The following CNTN4 variants were observed in gnomAD, a reference collection of about 807,000 sequenced individuals.
The protein encoded by CNTN4 is contactin 4, also known as contactin-4.
In CNTN4, 77 loss-of-function variants were observed where a neutral mutation model predicts 122.5. The ratio of observed to expected loss-of-function variants is 0.63; its 90% CI spans 0.52 to 0.76. The LOEUF (loss-of-function observed/expected upper bound fraction) is 0.76. Among genes scored for constraint, CNTN4 ranks in the 30% least tolerant of loss-of-function variants. CNTN4 has a pLI of 0.00. For missense variants in CNTN4, 1,256 were observed against 1,259.1 expected (o/e 1.00, Z 0.04); for synonymous variants, 512 against 447.0 (o/e 1.15, Z -1.83).
chr3:2,284,096 A>T (rs2041821486), intron 2 of CNTN4, among the ~76,000 whole-genome samples: 1 of 152,086 alleles, frequency 6.6e-6, no homozygotes, highest in South Asian at 2.1e-4. Context: ...CAAATAGAGT[A>T]AGTACCCAAA....
intron 3 of CNTN4, among the ~76,000 whole-genome samples, chr3:2,413,701 A>G (rs1373660886): frequency 6.6e-6 from 1 of 151,768 alleles, no homozygotes; most frequent in Non-Finnish European, 1.5e-5. Context: ...ACACCACAAC[A>G]CACAGCTAAT....
chr3:2,940,040 A>C (rs1333990710), intron 13 of CNTN4, among the ~76,000 whole-genome samples: 1 of 152,226 alleles, frequency 6.6e-6, no homozygotes, highest in Non-Finnish European at 1.5e-5. Flanking sequence ...AGAGTTGGCC[A>C]CGCCAGTTTA....
intron 6 of CNTN4, among the ~76,000 whole-genome samples, chr3:2,790,577 C>A (rs185100205): frequency 3.2e-4 from 48 of 152,236 alleles, no homozygotes; most frequent in African/African-American, 1.1e-3. Flanking sequence ...TGAGAACTTT[C>A]TGTTTAACAT....
At chr3:2,362,569 G>A (rs903394162) in intron 3 of CNTN4, 2 of 579,704 alleles carry the variant, frequency 3.5e-6, no homozygotes, top group Non-Finnish European at 6.6e-6. Context: ...GGCTGAAGAA[G>A]AAGACAGCAG....
At chr3:2,264,208 C>T (rs1222575468) in intron 2 of CNTN4, among the ~76,000 whole-genome samples, 1 of 152,142 alleles carries the variant, frequency 6.6e-6, no homozygotes, top group African/African-American at 2.4e-5. Context: ...TCCATACTGG[C>T]TGTGCTACTT....
chr3:2,463,018 C>A (rs890119217), intron 3 of CNTN4, among the ~76,000 whole-genome samples: 5 of 151,834 alleles, frequency 3.3e-5, no homozygotes. Flanking sequence ...TGAGACTTAC[C>A]ATATTTGAGA....
intron 3 of CNTN4, among the ~76,000 whole-genome samples, chr3:2,506,868 C>T (rs994552351): frequency 1.3e-5 from 2 of 151,922 alleles, no homozygotes; most frequent in African/African-American, 4.8e-5. Flanking sequence ...ACTTGGTTTT[C>T]TGAGGCATAA....
chr3:2,726,088 C>T (rs894780375), intron 4 of CNTN4, among the ~76,000 whole-genome samples: 1 of 152,126 alleles, frequency 6.6e-6, no homozygotes, highest in African/African-American at 2.4e-5. Context: ...CAGTCTGTCC[C>T]TATCCTTTAA....
intron 14 of CNTN4, among the ~76,000 whole-genome samples, chr3:3,015,911 A>ATCT (rs1358580663): frequency 7.2e-5 from 11 of 152,184 alleles, no homozygotes; most frequent in African/African-American, 2.7e-4. Flanking sequence ...ATCAGCAAAG[A>ATCT]TCTTATTATG....
intron 13 of CNTN4, among the ~76,000 whole-genome samples, chr3:2,956,993 T>C (rs1319253000): frequency 2.0e-5 from 3 of 152,226 alleles, no homozygotes; most frequent in African/African-American, 7.2e-5. Flanking sequence ...GGCTGAGTAA[T>C]AGTCCGCTGT....
chr3:2,953,375 C>A (rs539666120), intron 13 of CNTN4, among the ~76,000 whole-genome samples: 3 of 152,038 alleles, frequency 2.0e-5, no homozygotes, highest in South Asian at 4.2e-4. Flanking sequence ...GGCGGTAGAT[C>A]GCTCCTCCCT....
At chr3:2,819,667 G>A in intron 7 of CNTN4, 86 bp downstream of exon 7, 1 of 1,002,742 alleles carries the variant, frequency 1.0e-6, no homozygotes, top group South Asian at 1.3e-5. Context: ...CCAGCTGAGT[G>A]CACAGTGTCA....
chr3:2,816,923 T>C lies in CNTN4; in HGVS notation c.359-2563T>C, dbSNP rs539222851. 2.0e-5 allele frequency among the ~76,000 whole-genome samples: 3 copies of C among 152,014 alleles called. No homozygotes were observed. The South Asian group carries it at 6.2e-4, about 32-fold the overall frequency. On this transcript the variant is annotated intron_variant, in intron 6 of 24. Coordinates refer to ENST00000418658, the MANE Select transcript of CNTN4 (RefSeq NM_175607.3). ...TTTAATAAATAAATAAAAATATATG[T>C]GGAAACATTGCTGGTAAAGGCTTAA...
chr3:2,816,285 C>A (rs2092727161), intron 6 of CNTN4, among the ~76,000 whole-genome samples: 1 of 147,638 alleles, frequency 6.8e-6, no homozygotes, highest in African/African-American at 2.7e-5. Flanking sequence ...ACCCAGGAGG[C>A]AGAGCTTGCA....
chr3:2,897,705 A>G (rs1173899011), intron 10 of CNTN4, among the ~76,000 whole-genome samples: 10 of 152,200 alleles, frequency 6.6e-5, no homozygotes, highest in African/African-American at 2.4e-4. Flanking sequence ...AATTTAATGC[A>G]TGAAACAAAG....
At position 2,615,581 on chromosome 3, in the gene CNTN4, A is replaced by C. The variant is rs1401638566; in HGVS notation, c.55+44023A>C. Reference sequence around the variant, plus strand: ...TGAAGTTCATCATCTATTTCACTCTAAAAAAAAACTTAGAGGGCTAAGCAG... The same window carrying C: ...TGAAGTTCATCATCTATTTCACTCTCAAAAAAAACTTAGAGGGCTAAGCAG... On this transcript the variant is annotated intron_variant, in intron 4 of 24. Transcript: ENST00000418658. Among the ~76,000 whole-genome samples the C allele has an allele frequency of 3.6e-4, 5 of 13,732 alleles. No individual in the cohort carries two copies. In the African/African-American group the frequency reaches 0.023, roughly 62 times the overall value. The allele number at this position is 13,732 out of a possible 152,430, so 9.0% of individuals were successfully genotyped here.
chr3:2,347,636 C>A (rs190250667), intron 3 of CNTN4, among the ~76,000 whole-genome samples: 1 of 151,638 alleles, frequency 6.6e-6, no homozygotes, highest in African/African-American at 2.4e-5. Flanking sequence ...TCTCAAACTC[C>A]TGACTTCAGG....
chr3:2,126,708 C>A (rs1268042135), intron 2 of CNTN4, among the ~76,000 whole-genome samples: 4 of 152,158 alleles, frequency 2.6e-5, no homozygotes, highest in Admixed American at 2.6e-4. Flanking sequence ...AATATAACTT[C>A]AAACCTGTTT....
intron 7 of CNTN4, among the ~76,000 whole-genome samples, chr3:2,824,787 C>G (rs1443347927): frequency 1.3e-5 from 2 of 151,910 alleles, no homozygotes; most frequent in Non-Finnish European, 2.9e-5. Context: ...CTCAGCCTCC[C>G]AAGTAGCTGG....
Sources: allele counts gnomAD v4.1 joint callset (sites outside exome capture counted in the v4.1 genomes callset), GRCh38; gene constraint gnomAD v4.1.1; transcripts MANE v1.5; gene names NCBI Gene and HGNC (gene_info 2026-07-23, HGNC 2026-07-21).